Variants in ABCB4 observed in about 807,000 individuals in gnomAD.
ABCB4 encodes ATP binding cassette subfamily B member 4.
ABCB4 carries 76 observed loss-of-function variants against 145.7 expected under a neutral mutation model. The ratio of observed to expected loss-of-function variants is 0.52; its 90% CI spans 0.43 to 0.63. The LOEUF (loss-of-function observed/expected upper bound fraction) is 0.63. Ranked by LOEUF, ABCB4 falls within the 30% of genes least tolerant of loss-of-function variation. ABCB4 has a pLI of 0.00. For synonymous variants in ABCB4, 517 were observed against 566.8 expected, an observed-to-expected ratio of 0.91 and a Z score of 1.25; for missense variants, 1,234 against 1,553.1, an observed-to-expected ratio of 0.79 and a Z score of 3.45.
intron 4 of ABCB4, among the ~76,000 whole-genome samples, chr7:87,455,121 G>A (rs187989100): frequency 1.1e-4 from 16 of 152,048 alleles, no homozygotes; most frequent in African/African-American, 2.2e-4. Context: ...TACATCCATC[G>A]CAAAGGAGGA....
intron 19 of ABCB4, among the ~76,000 whole-genome samples, chr7:87,418,848 T>C (rs1337263286): frequency 6.6e-6 from 1 of 152,114 alleles, no homozygotes; most frequent in Non-Finnish European, 1.5e-5. Context: ...GGGGCAGGGC[T>C]CACCCAGATG....
rs967761819 is a variant in ABCB4, at chr7:87,411,811, A to AT, written c.2924+81dup. The AT allele has an allele frequency of 5.8e-6, 8 of 1,390,420 alleles. No individual in the cohort carries two copies. The African/African-American group carries it at 7.2e-5, about 13-fold the overall frequency. 86.1% of individuals were successfully genotyped at this position (1,390,420 alleles called of 1,614,324 possible). On this transcript the variant is annotated intron_variant, in intron 23 of 27. Coordinates refer to ENST00000649586, the MANE Select transcript of ABCB4 (RefSeq NM_000443.4). ...GACCTCATCTTTGGACACAGGAGTCATTTTTTTCCTACTCTAAACTTTTGC... is the reference window on the plus strand; with the variant it reads ...GACCTCATCTTTGGACACAGGAGTCATTTTTTTTCCTACTCTAAACTTTTGC...
intron 22 of ABCB4, 90 bp downstream of exon 22, chr7:87,413,527 G>T: frequency 1.2e-6 from 1 of 868,792 alleles, no homozygotes; most frequent in Non-Finnish European, 1.9e-6. Context: ...ATCATTGTTT[G>T]GAGCAGCAGA....
the ABCB4 span, among the ~76,000 whole-genome samples, chr7:87,394,987 G>GAA: frequency 2.0e-5 from 3 of 148,586 alleles, no homozygotes; most frequent in Admixed American, 2.0e-4. Flanking sequence ...GCCCTATTCT[G>GAA]AAAAAAAAAA....
At position 87,443,668 on chromosome 7, in the gene ABCB4, C is replaced by T. The variant is rs775135138; in HGVS notation, c.1225G>A (p.Val409Ile). The part of the protein sequence containing the change: ...VHFSYPSRAN[V>I]KILKGLNLKV... Reference sequence around the variant, plus strand: ...ATAAATATTACTTACAGTACCTTGACGTTAGCTCGAGAAGGGTAAGAAAAG... The same window carrying T: ...ATAAATATTACTTACAGTACCTTGATGTTAGCTCGAGAAGGGTAAGAAAAG... The change falls in exon 11 of 28, where the codon GTC (valine) becomes ATC (isoleucine). Residue 409 changes from valine to isoleucine, a missense_variant. By Grantham distance (29) the Val-to-Ile change is conservative. Transcript: ENST00000649586. The T allele has an allele frequency of 2.4e-5, 39 of 1,612,368 alleles. No individual in the cohort carries two copies. In the African/African-American group the frequency reaches 3.2e-4, roughly 13 times the overall value.
At chr7:87,406,035 T>G (rs1808160122) in intron 26 of ABCB4, 1 of 558,860 alleles carries the variant, frequency 1.8e-6, no homozygotes, top group African/African-American at 1.9e-5. Context: ...GACTGCAGTC[T>G]AAATGCAGCC....
At chr7:87,378,362 A>AAT in the ABCB4 span, among the ~76,000 whole-genome samples, 1 of 150,386 alleles carries the variant, frequency 6.6e-6, no homozygotes, top group African/African-American at 2.4e-5. Flanking sequence ...AAAAAAAAAA[A>AAT]GGGTTCAGTA....
At chr7:87,475,593 G>T in intron 1 of ABCB4, 41 bp downstream of exon 1, 1 of 965,834 alleles carries the variant, frequency 1.0e-6, no homozygotes, top group Non-Finnish European at 1.6e-6. Flanking sequence ...CCCACGTCCC[G>T]GGTCTCCCTT....
chr7:87,464,268 A>C (rs542769374), intron 3 of ABCB4, among the ~76,000 whole-genome samples: 1 of 152,342 alleles, frequency 6.6e-6, no homozygotes, highest in African/African-American at 2.4e-5. Flanking sequence ...GCAAGGTTTC[A>C]GGGACAGGGA....
intron 14 of ABCB4, among the ~76,000 whole-genome samples, chr7:87,436,945 G>A (rs1810648798): frequency 6.6e-6 from 1 of 152,176 alleles, no homozygotes; most frequent in African/African-American, 2.4e-5. Context: ...ATCTGTATTA[G>A]ACCACATGCA....
intron 26 of ABCB4, among the ~76,000 whole-genome samples, chr7:87,405,652 C>T (rs996111039): frequency 2.6e-5 from 4 of 152,082 alleles, no homozygotes; most frequent in Non-Finnish European, 5.9e-5. Context: ...GTCTCAATCT[C>T]CTGACCTCGT....
At chr7:87,456,651 G>A (rs1233017388) in intron 4 of ABCB4, among the ~76,000 whole-genome samples, 3 of 152,146 alleles carry the variant, frequency 2.0e-5, no homozygotes, top group Non-Finnish European at 4.4e-5. Context: ...AAATTACCCA[G>A]TCTCAGGTAT....
intron 7 of ABCB4, among the ~76,000 whole-genome samples, chr7:87,450,595 C>T (rs745893777): frequency 1.3e-5 from 2 of 151,684 alleles, no homozygotes; most frequent in Admixed American, 6.6e-5. Context: ...CTCAGCCTCC[C>T]GAGTAGCTGG....
At chr7:87,392,596 G>A in the ABCB4 span, 2 of 1,613,410 alleles carry the variant, frequency 1.2e-6, no homozygotes, top group East Asian at 2.2e-5. Flanking sequence ...GATGTTACAA[G>A]CTTTTGCAAA....
At chr7:87,432,977 A>G (rs17362573) in intron 14 of ABCB4, among the ~76,000 whole-genome samples, 6,704 of 152,304 alleles carry the variant, frequency 0.044, 499 homozygotes, top group African/African-American at 0.15. Flanking sequence ...AAAAAGCTAC[A>G]GCAATTAAAA....
intron 9 of ABCB4, among the ~76,000 whole-genome samples, chr7:87,446,468 G>T (rs1811351265): frequency 6.6e-6 from 1 of 152,076 alleles, no homozygotes; most frequent in African/African-American, 2.4e-5. Flanking sequence ...ATCATCAAGA[G>T]AATATAAATT....
chr7:87,463,786 C>T (rs1337909022), intron 3 of ABCB4, among the ~76,000 whole-genome samples: 1 of 152,146 alleles, frequency 6.6e-6, no homozygotes, highest in Non-Finnish European at 1.5e-5. Context: ...AGGGTGATAC[C>T]AGTTGTCACA....
intron 3 of ABCB4, among the ~76,000 whole-genome samples, chr7:87,465,624 G>A (rs1812824118): frequency 6.6e-6 from 1 of 152,210 alleles, no homozygotes; most frequent in Non-Finnish European, 1.5e-5. Context: ...CCTGACCCCC[G>A]AGTAGCCTAA....
chr7:87,391,539 A>C, the ABCB4 span: 25 of 1,549,024 alleles, frequency 1.6e-5, no homozygotes, highest in Non-Finnish European at 2.1e-5. Flanking sequence ...CTGTAATGAT[A>C]TTAGAGCATT....
Sources: gnomAD v4.1 joint callset for allele counts (sites outside exome capture counted in the v4.1 genomes callset) on GRCh38, gnomAD v4.1.1 for gene constraint, MANE v1.5 for transcripts, NCBI Gene and HGNC (gene_info 2026-07-23, HGNC 2026-07-21) for gene names.